The following LINGO2 variants were observed in gnomAD, a reference collection of about 807,000 sequenced individuals.
LINGO2 encodes the protein leucine-rich repeat and immunoglobulin-like domain-containing nogo receptor-interacting protein 2.
LINGO2 carries 14 observed loss-of-function variants against 30.6 expected under a neutral mutation model. That is an observed-to-expected ratio of 0.46 (90% confidence interval 0.30 to 0.72). The LOEUF is 0.72. LINGO2 is among the 30% of genes least tolerant of loss of function. The pLI, the probability that LINGO2 is intolerant of heterozygous loss-of-function variation, is 0.07. For missense variants in LINGO2, 729 were observed against 751.7 expected (o/e 0.97, Z 0.35); for synonymous variants, 317 against 288.5 (o/e 1.10, Z -1.00).
At chr9:29,212,601 T>A in the LINGO2 span, among the ~76,000 whole-genome samples, 559 of 149,368 alleles carry the variant, frequency 3.7e-3, no homozygotes, top group African/African-American at 0.012. Context: ...AATAAAAATT[T>A]AAAAAAAAAA....
At chr9:28,834,139 G>C in the LINGO2 span, among the ~76,000 whole-genome samples, 2 of 151,884 alleles carry the variant, frequency 1.3e-5, no homozygotes, top group Non-Finnish European at 2.9e-5. Context: ...GCACTAACAA[G>C]TTTGATCTCT....
chr9:29,198,690 C>T, the LINGO2 span, among the ~76,000 whole-genome samples: 4 of 152,084 alleles, frequency 2.6e-5, no homozygotes, highest in Non-Finnish European at 5.9e-5. Context: ...TTGTTAGCTA[C>T]AGTCTCCCTG....
the LINGO2 span, among the ~76,000 whole-genome samples, chr9:28,961,007 A>G: frequency 6.6e-6 from 1 of 152,166 alleles, no homozygotes; most frequent in East Asian, 1.9e-4. Context: ...AAAATGACCA[A>G]ATGCCATGAA....
chr9:28,386,841 A>G (rs773934776), intron 2 of LINGO2, among the ~76,000 whole-genome samples: 2 of 152,238 alleles, frequency 1.3e-5, no homozygotes, highest in Non-Finnish European at 2.9e-5. Context: ...TGAAACAGTT[A>G]TATTTTATAT....
intron 4 of LINGO2, among the ~76,000 whole-genome samples, chr9:28,044,052 T>G (rs1036008642): frequency 2.0e-5 from 3 of 152,236 alleles, no homozygotes; most frequent in Non-Finnish European, 4.4e-5. Context: ...ACTAGCAGTT[T>G]TAGATCTGTC....
At chr9:28,015,126 C>A (rs72722862) in intron 4 of LINGO2, among the ~76,000 whole-genome samples, 1 of 152,044 alleles carries the variant, frequency 6.6e-6, no homozygotes, top group Admixed American at 6.6e-5. Flanking sequence ...AAATCGTCCA[C>A]GCTACTCAGT....
intron 2 of LINGO2, among the ~76,000 whole-genome samples, chr9:28,386,584 T>C (rs1034680914): frequency 1.3e-5 from 2 of 152,154 alleles, no homozygotes; most frequent in Admixed American, 6.6e-5. Flanking sequence ...ATATCTTCAA[T>C]AAATACAAAC....
intron 1 of LINGO2, among the ~76,000 whole-genome samples, chr9:28,563,676 T>G (rs936311097): frequency 1.3e-5 from 2 of 152,166 alleles, no homozygotes; most frequent in African/African-American, 2.4e-5. Context: ...CTGTTGAAAC[T>G]CTTAAGATCG....
At chr9:28,403,659 T>A (rs892590675) in intron 2 of LINGO2, among the ~76,000 whole-genome samples, 11 of 150,980 alleles carry the variant, frequency 7.3e-5, no homozygotes, top group Non-Finnish European at 1.5e-4. Flanking sequence ...CTCTCCTTTT[T>A]TTTTTTTTTT....
At chr9:28,878,275 A>G in the LINGO2 span, among the ~76,000 whole-genome samples, 20 of 152,270 alleles carry the variant, frequency 1.3e-4, no homozygotes, top group Non-Finnish European at 2.4e-4. Context: ...ACACCCTCCC[A>G]AGACTAAACC....
At chr9:28,416,594 C>A (rs1394669500) in intron 2 of LINGO2, among the ~76,000 whole-genome samples, 2 of 152,116 alleles carry the variant, frequency 1.3e-5, no homozygotes, top group Non-Finnish European at 2.9e-5. Context: ...ATGAGTGAAT[C>A]CCTTCTATCC....
chr9:28,261,516 CAAAT>C (rs1184767542), intron 4 of LINGO2, among the ~76,000 whole-genome samples: 2 of 151,798 alleles, frequency 1.3e-5, no homozygotes, highest in Admixed American at 6.6e-5. Context: ...TCAAAACAAA[CAAAT>C]AAAAAATAAA....
the LINGO2 span, among the ~76,000 whole-genome samples, chr9:28,764,739 T>C: frequency 6.6e-6 from 1 of 151,948 alleles, no homozygotes; most frequent in Non-Finnish European, 1.5e-5. Context: ...CGTAATCCTA[T>C]ATACAGAAAA....
intron 1 of LINGO2, among the ~76,000 whole-genome samples, chr9:28,668,868 TC>T (rs1563904612): frequency 2.0e-5 from 3 of 152,054 alleles, no homozygotes; most frequent in Non-Finnish European, 2.9e-5. Context: ...ATTAGCAGTT[TC>T]CCCTAATTCT....
At chr9:28,861,146 A>AATTTATATTATATAAATATATAAAATAT in the LINGO2 span, among the ~76,000 whole-genome samples, 2 of 72,484 alleles carry the variant, frequency 2.8e-5, no homozygotes, top group Non-Finnish European at 4.9e-5. Flanking sequence ...ATTTTTATAT[A>AATTTATATTATATAAATATATAAAATAT]ATTTATATTA....
chr9:28,762,798 C>A, the LINGO2 span, among the ~76,000 whole-genome samples: 4 of 151,928 alleles, frequency 2.6e-5, no homozygotes, highest in Non-Finnish European at 5.9e-5. Context: ...ACCTTCCTTG[C>A]CCCAATACCT....
At chr9:28,815,471 C>A in the LINGO2 span, among the ~76,000 whole-genome samples, 1 of 152,124 alleles carries the variant, frequency 6.6e-6, no homozygotes, top group African/African-American at 2.4e-5. Context: ...CTAAATCTTT[C>A]TGGCTTCTGA....
chr9:29,079,241 T>C, the LINGO2 span, among the ~76,000 whole-genome samples: 2 of 152,014 alleles, frequency 1.3e-5, no homozygotes, highest in African/African-American at 4.8e-5. Flanking sequence ...TTTCTACTTA[T>C]GGTATATTGA....
At chr9:28,410,392 T>C (rs1279730468) in intron 2 of LINGO2, among the ~76,000 whole-genome samples, 1 of 152,086 alleles carries the variant, frequency 6.6e-6, no homozygotes, top group Non-Finnish European at 1.5e-5. Context: ...AAATAAAAAG[T>C]CTAAGAGTCA....
Sources: allele counts gnomAD v4.1 joint callset (sites outside exome capture counted in the v4.1 genomes callset), GRCh38; gene constraint gnomAD v4.1.1; transcripts MANE v1.5; gene names NCBI Gene and HGNC (gene_info 2026-07-23, HGNC 2026-07-21).